Variants in VPS36 observed in about 807,000 individuals in gnomAD.
VPS36 encodes the protein vacuolar protein-sorting-associated protein 36.
In VPS36, 31 loss-of-function variants were observed where a neutral mutation model predicts 63.5. The observed-to-expected ratio is 0.49, with a 90% confidence interval of 0.37 to 0.66. The LOEUF (loss-of-function observed/expected upper bound fraction) is 0.66, where lower values mean the gene tolerates loss of function less well. Ranked by LOEUF, VPS36 falls within the 30% of genes least tolerant of loss-of-function variation. The pLI is 0.00. For synonymous variants in VPS36, 138 were observed against 157.2 expected (o/e 0.88, Z 0.91); for missense variants, 338 against 463.7 (o/e 0.73, Z 2.49).
At chr13:52,446,086 T>TAAAAATA (rs372727244) in intron 1 of VPS36, among the ~76,000 whole-genome samples, 1 of 141,336 alleles carries the variant, frequency 7.1e-6, no homozygotes, top group African/African-American at 2.6e-5. Context: ...CCGTCTCTAC[T>TAAAAATA]AAAAATAAAA....
chr13:52,418,287 T>TA (rs11406358), intron 10 of VPS36, among the ~76,000 whole-genome samples: 83,613 of 151,446 alleles, frequency 0.55, 24,005 homozygotes, highest in Middle Eastern at 0.69. Flanking sequence ...ATTAAAAAAA[T>TA]AAAAAGAGGC....
chr13:52,445,065 A>T (rs1958324074), intron 1 of VPS36, among the ~76,000 whole-genome samples: 1 of 152,208 alleles, frequency 6.6e-6, no homozygotes, highest in Admixed American at 6.5e-5. Flanking sequence ...TTTAATGATA[A>T]CAGACCTTCT....
intron 6 of VPS36, among the ~76,000 whole-genome samples, chr13:52,429,020 C>T (rs1455848879): frequency 2.0e-5 from 3 of 151,862 alleles, no homozygotes; most frequent in Non-Finnish European, 4.4e-5. Context: ...AATTAGTCAA[C>T]TATCAAAAAA....
At chr13:52,444,667 G>C (rs1164707475) in intron 1 of VPS36, among the ~76,000 whole-genome samples, 1 of 151,200 alleles carries the variant, frequency 6.6e-6, no homozygotes, top group Admixed American at 6.6e-5. Context: ...TGATAATAAA[G>C]AGACTTATGA....
chr13:52,447,785 A>T lies in VPS36; in HGVS notation c.96+2714T>A, dbSNP rs370258672. Among the ~76,000 whole-genome samples the T allele has an allele frequency of 6.5e-4, 94 of 145,410 alleles. No homozygotes were observed. In the South Asian group the frequency reaches 7.7e-3, roughly 12 times the overall value. Reference sequence around the variant, plus strand: ...CCGGTGACTGCTACATTATGAAGTCATTTTTTTTTTTTTTTGAGACAGAAT... The same window carrying T: ...CCGGTGACTGCTACATTATGAAGTCTTTTTTTTTTTTTTTTGAGACAGAAT... On this transcript the variant is annotated intron_variant, in intron 1 of 13. Transcript: ENST00000378060.
intron 1 of VPS36, among the ~76,000 whole-genome samples, chr13:52,446,300 T>C (rs1958343023): frequency 6.6e-6 from 1 of 151,916 alleles, no homozygotes; most frequent in African/African-American, 2.4e-5. Flanking sequence ...TGCTGCATTA[T>C]AGAACATATA....
At chr13:52,441,760 G>A (rs1277241577) in intron 2 of VPS36, among the ~76,000 whole-genome samples, 1 of 151,532 alleles carries the variant, frequency 6.6e-6, no homozygotes, top group East Asian at 1.9e-4. Flanking sequence ...TCAAAAAAAA[G>A]GGGGGGATGC....
chr13:52,432,826 G>T (rs1958173560), intron 6 of VPS36, among the ~76,000 whole-genome samples: 1 of 152,144 alleles, frequency 6.6e-6, no homozygotes, highest in African/African-American at 2.4e-5. Flanking sequence ...AATGCCCTTG[G>T]TTCCCCAACA....
chr13:52,441,622 C>T (rs1348224738), intron 2 of VPS36, among the ~76,000 whole-genome samples: 3 of 152,052 alleles, frequency 2.0e-5, no homozygotes, highest in Admixed American at 6.5e-5. Context: ...CGTGGTGGCA[C>T]GCACCAGTAA....
chr13:52,449,381 G>A (rs979851277), intron 1 of VPS36, among the ~76,000 whole-genome samples: 1 of 152,180 alleles, frequency 6.6e-6, no homozygotes, highest in Non-Finnish European at 1.5e-5. Context: ...TGCTAAGGCA[G>A]TAAGTGAAGT....
chr13:52,426,954 A>G (rs1406905246), intron 8 of VPS36, 35 bp downstream of exon 8: 3 of 1,461,138 alleles, frequency 2.1e-6, no homozygotes, highest in Non-Finnish European at 2.9e-6. Context: ...TGTGTTATCT[A>G]GTTTCAAATG....
chr13:52,450,595 G>A lies in VPS36; in HGVS notation c.-1C>T. Reference sequence around the variant, plus strand: ...CGCTGGTCCAAACGAAGCGGTCCATGGCCGCTGCCACCCAGCCCCGGCCCT... The same window carrying A: ...CGCTGGTCCAAACGAAGCGGTCCATAGCCGCTGCCACCCAGCCCCGGCCCT... On this transcript the variant is annotated 5_prime_UTR_variant, in exon 1 of 14. Transcript: ENST00000378060. 6.4e-7 allele frequency: 1 copy of A among 1,574,040 alleles called. No individual in the cohort carries two copies. The highest frequency in any genetic ancestry group is 8.6e-7 in the Non-Finnish European group (1 of 1,161,008).
chr13:52,447,411 T>G (rs936217809), intron 1 of VPS36, among the ~76,000 whole-genome samples: 8 of 152,198 alleles, frequency 5.3e-5, no homozygotes, highest in African/African-American at 1.9e-4. Context: ...ACTTGCCACT[T>G]TACACATTAC....
intron 3 of VPS36, among the ~76,000 whole-genome samples, chr13:52,437,033 G>C (rs576941872): frequency 4.6e-5 from 7 of 150,864 alleles, no homozygotes; most frequent in Admixed American, 1.3e-4. Flanking sequence ...TATTTGGTCA[G>C]CTTAATAAGT....
chr13:52,440,835 C>T (rs1160231946), intron 2 of VPS36, among the ~76,000 whole-genome samples: 1 of 152,166 alleles, frequency 6.6e-6, no homozygotes, highest in Non-Finnish European at 1.5e-5. Flanking sequence ...CAGTCCCCAA[C>T]CTTTTGTGTA....
At chr13:52,432,051 T>C (rs1566086565) in intron 6 of VPS36, among the ~76,000 whole-genome samples, 1 of 151,678 alleles carries the variant, frequency 6.6e-6, no homozygotes, top group African/African-American at 2.4e-5. Flanking sequence ...AATGACATGT[T>C]AAAAAAAACC....
At chr13:52,425,357 G>A (rs1958092063) in intron 9 of VPS36, among the ~76,000 whole-genome samples, 2 of 151,996 alleles carry the variant, frequency 1.3e-5, no homozygotes, top group Non-Finnish European at 2.9e-5. Context: ...TGTATTTAAA[G>A]GAGTATTTAT....
intron 7 of VPS36, 36 bp downstream of exon 7, chr13:52,427,151 A>T (rs1958110007): frequency 6.2e-7 from 1 of 1,609,418 alleles, no homozygotes; most frequent in African/African-American, 1.3e-5. Flanking sequence ...CTGTATCATA[A>T]TTGGTATGAA....
At chr13:52,449,316 CGA>C (rs1958375779) in intron 1 of VPS36, among the ~76,000 whole-genome samples, 1 of 151,948 alleles carries the variant, frequency 6.6e-6, no homozygotes, top group African/African-American at 2.4e-5. Flanking sequence ...TCCAGCCTGG[CGA>C]TAGAGCGAGA....
Sources: allele counts gnomAD v4.1 joint callset (sites outside exome capture counted in the v4.1 genomes callset), GRCh38; gene constraint gnomAD v4.1.1; transcripts MANE v1.5; gene names NCBI Gene and HGNC (gene_info 2026-07-23, HGNC 2026-07-21).